FAAH: variants seen among roughly 807,000 people sequenced by gnomAD.
FAAH encodes the protein fatty-acid amide hydrolase 1.
In FAAH, 63 loss-of-function variants were observed where a neutral mutation model predicts 69.7. The observed-to-expected ratio is 0.90, with a 90% confidence interval of 0.74 to 1.12. FAAH has a LOEUF of 1.12. FAAH is among the 50% of genes most tolerant of loss of function. The pLI, the probability that FAAH is intolerant of heterozygous loss-of-function variation, is 0.00. For synonymous variants in FAAH, 305 were observed against 324.2 expected (o/e 0.94, Z 0.64); for missense variants, 680 against 755.0 (o/e 0.90, Z 1.16).
Position 46,410,226 on chromosome 1 carries a change from A to G in FAAH, c.1176-172A>G. The G allele has an allele frequency of 1.4e-6, 1 of 702,564 alleles. No individual in the cohort carries two copies. Among genetic ancestry groups the G allele is most frequent in the South Asian group, 1.6e-5 (1 of 62,062 alleles). 43.5% of individuals were successfully genotyped at this position (702,564 alleles called of 1,614,324 possible). On this transcript the variant is annotated intron_variant, in intron 9 of 14. Coordinates refer to ENST00000243167, the MANE Select transcript of FAAH (RefSeq NM_001441.3). This position sits in a 1 kb window ranked among gnomAD's most constrained non-coding sequence, Gnocchi z 4.9. ...CGTGGATGTGGGTTGCAGCCCAGGCATCCCAAAGGATCAGCAGAAACAAAC... is the reference window on the plus strand; with the variant it reads ...CGTGGATGTGGGTTGCAGCCCAGGCGTCCCAAAGGATCAGCAGAAACAAAC...
intron 2 of FAAH, 77 bp downstream of exon 2, chr1:46,402,281 C>G: frequency 2.4e-6 from 3 of 1,235,456 alleles, no homozygotes; most frequent in South Asian, 1.3e-5. Context: ...TCCCCTCCCT[C>G]TGTCCGCACA....
rs1367456821 is a variant in FAAH, at chr1:46,412,000, A to G, written c.1357-143A>G. On this transcript the variant is annotated intron_variant, in intron 12 of 14. Transcript: ENST00000243167. The surrounding 1 kb of genome is among the most constrained non-coding windows in gnomAD (Gnocchi z 4.8). Reference sequence around the variant, plus strand: ...CTGAGAGGCAGCACTGCCTGCCCGGAGGACCTGTGTCCCACTGTGGCTCTG... The same window carrying G: ...CTGAGAGGCAGCACTGCCTGCCCGGGGGACCTGTGTCCCACTGTGGCTCTG... 1.1e-5 allele frequency: 8 copies of G among 759,552 alleles called. No individual in the cohort carries two copies. The East Asian group carries it at 1.9e-4, about 18-fold the overall frequency. The allele number at this position is 759,552 out of a possible 1,614,324, so 47.1% of individuals were successfully genotyped here. A position where few individuals can be genotyped will look rare whatever the true frequency, so the allele number is the denominator to read the frequency against.
chr1:46,412,952 C>T (rs1209919190), intron 13 of FAAH, 123 bp from the exon 14 acceptor site: 2 of 1,235,646 alleles, frequency 1.6e-6, no homozygotes, highest in Non-Finnish European at 2.3e-6. Context: ...GACCTCAGTC[C>T]TGGGAGAGAG....
In FAAH at chr1:46,412,149, C is replaced by T. The variant is rs749367025; in HGVS notation, c.1363C>T (p.Arg455Cys). ...TGTGTTGTGTCCTCCGCAGGTGTAC[C>T]GCAAAACCGTGATTGCCCAGTGGAG... ...WELQHEIEVY[R>C]KTVIAQWRAL... The change falls in exon 13 of 15, where the codon CGC (arginine) becomes TGC (cysteine). Residue 455 changes from arginine (R) to cysteine (C), a missense_variant. Physicochemically the swap from Arg to Cys is radical, Grantham distance 180. Coordinates refer to ENST00000243167, the MANE Select transcript of FAAH (RefSeq NM_001441.3). 12 of 1,558,870 alleles carry T rather than the reference C, an allele frequency of 7.7e-6. No homozygotes were observed. Among genetic ancestry groups the T allele is most frequent in the South Asian group, 5.9e-5 (5 of 84,430 alleles).
intron 2 of FAAH, among the ~76,000 whole-genome samples, chr1:46,403,325 G>T (rs138382291): frequency 1.1e-4 from 17 of 152,200 alleles, no homozygotes; most frequent in African/African-American, 3.4e-4. Context: ...GGCCGGGCTG[G>T]TCTGGAACTC....
chr1:46,403,719 C>T (rs1256521910), intron 2 of FAAH, among the ~76,000 whole-genome samples: 1 of 152,218 alleles, frequency 6.6e-6, no homozygotes, highest in Non-Finnish European at 1.5e-5. Flanking sequence ...CAGGAGGCAC[C>T]GTCTTCCATT....
rs201959954 is a variant in FAAH at position 46,410,379 on chromosome 1, C to G, written c.1176-19C>G. 1.0e-5 allele frequency: 16 copies of G among 1,606,242 alleles called. No homozygotes were observed. In the East Asian group the frequency reaches 3.1e-4, roughly 31 times the overall value. ...GATGTGGGGATGGGAGTGCCTGGAC[C>G]GAGCATTTTGTTTCCCAGCAAAGGT... On this transcript the variant is annotated intron_variant, in intron 9 of 14. Coordinates refer to ENST00000243167, the MANE Select transcript of FAAH (RefSeq NM_001441.3). The surrounding 1 kb of genome is among the most constrained non-coding windows in gnomAD (Gnocchi z 4.9).
chr1:46,395,826 G>T (rs935653977), intron 1 of FAAH, among the ~76,000 whole-genome samples: 3 of 152,136 alleles, frequency 2.0e-5, no homozygotes, highest in Non-Finnish European at 4.4e-5. Flanking sequence ...TATGAGGAAG[G>T]CACCTTGCAT....
At position 46,406,063 on chromosome 1, in the gene FAAH, T is replaced by C; in HGVS notation, c.811T>C (p.Tyr271His). The change falls in exon 6 of 15, where the codon TAT (tyrosine) becomes CAT (histidine). Residue 271 changes from tyrosine to histidine, a missense_variant. Coordinates refer to ENST00000243167, the MANE Select transcript of FAAH (RefSeq NM_001441.3). ...LSKSGLKGCV[Y>H]GQEAVRLSVG... The stretch of plus-strand genomic sequence containing the variant: ...CAAGAGTGGCCTGAAGGGCTGTGTC[T>C]ATGGACAGGAGGCAGGTGAGGTCCG... 1 of 1,614,184 alleles carries C rather than the reference T, an allele frequency of 6.2e-7. No individual in the cohort carries two copies. The highest frequency in any genetic ancestry group is 8.5e-7 in the Non-Finnish European group (1 of 1,180,028).
At position 46,410,112 on chromosome 1, in the gene FAAH, C is replaced by G. The variant is rs147756760; in HGVS notation, c.1176-286C>G. The G allele has an allele frequency of 2.0e-4, 78 of 386,838 alleles. No individual in the cohort carries two copies. Among genetic ancestry groups the G allele is most frequent in the Non-Finnish European group, 1.1e-4 (23 of 208,390 alleles). The allele number at this position is 386,838 out of a possible 1,614,324, so 24.0% of individuals were successfully genotyped here. On this transcript the variant is annotated intron_variant, in intron 9 of 14. Coordinates refer to ENST00000243167, the MANE Select transcript of FAAH (RefSeq NM_001441.3). The surrounding 1 kb of genome is among the most constrained non-coding windows in gnomAD (Gnocchi z 4.9). ...TAAGGGGAGGTACCCTCAGGGAGGC[C>G]TCATCAGGGAGATGTTGCCCTCAGT...
Position 46,410,352 on chromosome 1 carries a change from A to G in FAAH, c.1176-46A>G, listed in dbSNP as rs1246291783. ...TGTGGGCCGGGCGAGCAAGCTGGGAAGGATGTGGGGATGGGAGTGCCTGGA... is the reference window on the plus strand; with the variant it reads ...TGTGGGCCGGGCGAGCAAGCTGGGAGGGATGTGGGGATGGGAGTGCCTGGA... On this transcript the variant is annotated intron_variant, in intron 9 of 14. Transcript: ENST00000243167. The surrounding 1 kb of genome is among the most constrained non-coding windows in gnomAD (Gnocchi z 4.9). 4.0e-6 allele frequency: 6 copies of G among 1,499,602 alleles called. No individual in the cohort carries two copies. The African/African-American group carries it at 8.3e-5, about 21-fold the overall frequency. The allele number at this position is 1,499,602 out of a possible 1,614,324, so 92.9% of individuals were successfully genotyped here.
chr1:46,413,059 C>T lies in FAAH; in HGVS notation c.1466-16C>T, dbSNP rs1213101049. 1.2e-6 allele frequency: 2 copies of T among 1,613,968 alleles called. No homozygotes were observed. Among genetic ancestry groups the T allele is most frequent in the Admixed American group, 1.7e-5 (1 of 60,016 alleles). On this transcript the variant is annotated splice_polypyrimidine_tract_variant and intron_variant, in intron 13 of 14. Transcript: ENST00000243167. ...GATTCTCAGGGCCTGCTGCAGCTGC[C>T]TGTAATGTGTTCCAGGGGCCGTCAG...
rs117517570 is a variant in FAAH at position 46,410,277 on chromosome 1, G to A, written c.1176-121G>A. The A allele has an allele frequency of 2.0e-3, 1,603 of 804,664 alleles. 37 individuals are homozygous for A. The East Asian group carries it at 0.038, about 19-fold the overall frequency. 49.8% of individuals were successfully genotyped at this position (804,664 alleles called of 1,614,324 possible). On this transcript the variant is annotated intron_variant, in intron 9 of 14. Transcript: ENST00000243167. The surrounding 1 kb of genome is among the most constrained non-coding windows in gnomAD (Gnocchi z 4.9). ...GGCATGTTTGGAAGGAGGGAGCTGA[G>A]TCTGGTGAGGAGGAGGTGGACAGGA...
Position 46,394,398 on chromosome 1 carries a change from C to T in FAAH, c.50C>T (p.Ala17Val), listed in dbSNP as rs773985381. Residue 17 changes from alanine (A) to valine (V), a missense_variant, in exon 1 of 15, where the codon GCC (alanine) becomes GTC (valine). Physicochemically the swap from Ala to Val is moderately conservative, Grantham distance 64 (BLOSUM62 0). Transcript: ENST00000243167. Reference sequence around the variant, plus strand: ...GCGCTGCCTGGCGCCTCCGGGGTCGCCCTGGCCTGCTGCTTCGTGGCGGCG... The same window carrying T: ...GCGCTGCCTGGCGCCTCCGGGGTCGTCCTGGCCTGCTGCTTCGTGGCGGCG... The part of the protein sequence containing the change: ...WAALPGASGV[A>V]LACCFVAAAV... The T allele has an allele frequency of 1.1e-4, 163 of 1,519,914 alleles. No individual in the cohort carries two copies. The highest frequency in any genetic ancestry group is 2.0e-5 in the Non-Finnish European group (23 of 1,139,094). The allele number at this position is 1,519,914 out of a possible 1,614,324, so 94.2% of individuals were successfully genotyped here.
intron 1 of FAAH, among the ~76,000 whole-genome samples, chr1:46,396,458 C>G (rs1172446874): frequency 6.6e-6 from 1 of 152,196 alleles, no homozygotes; most frequent in Non-Finnish European, 1.5e-5. Flanking sequence ...ATGGTCAGGT[C>G]TTTCCCTTCC....
chr1:46,409,324 G>T, intron 9 of FAAH, 126 bp downstream of exon 9: 1 of 774,852 alleles, frequency 1.3e-6, no homozygotes, highest in South Asian at 1.4e-5. Flanking sequence ...AGCACTCTGG[G>T]CAGGGACCTC....
At position 46,410,244 on chromosome 1, in the gene FAAH, A is replaced by G; in HGVS notation, c.1176-154A>G. On this transcript the variant is annotated intron_variant, in intron 9 of 14. Coordinates refer to ENST00000243167, the MANE Select transcript of FAAH (RefSeq NM_001441.3). This position sits in a 1 kb window ranked among gnomAD's most constrained non-coding sequence, Gnocchi z 4.9. ...CCCAGGCATCCCAAAGGATCAGCAG[A>G]AACAAACGGCATGTTTGGAAGGAGG... 1 of 735,596 alleles carries G rather than the reference A, an allele frequency of 1.4e-6. No individual in the cohort carries two copies. The highest frequency in any genetic ancestry group is 1.6e-5 in the South Asian group (1 of 63,946). The allele number at this position is 735,596 out of a possible 1,614,324, so 45.6% of individuals were successfully genotyped here. A position where few individuals can be genotyped will look rare whatever the true frequency, so the allele number is the denominator to read the frequency against.
intron 1 of FAAH, among the ~76,000 whole-genome samples, chr1:46,397,932 C>CTTT (rs1047486835): frequency 0.012 from 1,363 of 117,990 alleles, 27 homozygotes; most frequent in South Asian, 0.027. Flanking sequence ...GTCTTGAACT[C>CTTT]TTTTTTTTTT....
At chr1:46,409,766 G>T (rs1227758894) in intron 9 of FAAH, among the ~76,000 whole-genome samples, 1 of 152,126 alleles carries the variant, frequency 6.6e-6, no homozygotes, top group African/African-American at 2.4e-5. Flanking sequence ...TCTGCTGGAT[G>T]GACTGGAACC....
Sources: gnomAD v4.1 joint callset for allele counts (sites outside exome capture counted in the v4.1 genomes callset) on GRCh38, gnomAD v4.1.1 for gene constraint, Gnocchi (gnomAD v3.1) non-coding constraint, MANE v1.5 for transcripts, NCBI Gene and HGNC (gene_info 2026-07-23, HGNC 2026-07-21) for gene names.